Variants in DPP6 observed in about 807,000 individuals in gnomAD.
The protein encoded by DPP6 is dipeptidyl peptidase like 6.
DPP6 carries 69 observed loss-of-function variants against 122.6 expected under a neutral mutation model. The ratio of observed to expected loss-of-function variants is 0.56; its 90% CI spans 0.46 to 0.69. The LOEUF (loss-of-function observed/expected upper bound fraction) is 0.69, where lower values mean the gene tolerates loss of function less well. Among genes scored for constraint, DPP6 ranks in the 30% least tolerant of loss-of-function variants. DPP6 has a pLI of 0.00. For synonymous variants in DPP6, 418 were observed against 433.1 expected, an observed-to-expected ratio of 0.97 and a Z score of 0.43; for missense variants, 928 against 1,116.9, an observed-to-expected ratio of 0.83 and a Z score of 2.41.
At chr7:154,853,639 T>C in intron 16 of DPP6, 141 bp from the exon 17 acceptor site, 1 of 1,205,828 alleles carries the variant, frequency 8.3e-7, no homozygotes, top group Non-Finnish European at 1.1e-6. Flanking sequence ...CATCCCATCA[T>C]TGATTACTCT....
At position 154,198,320 on chromosome 7, in the gene DPP6, T is replaced by TTATTA. The variant is rs200562691; in HGVS notation, c.243+145258_243+145259insATTAT. On this transcript the variant is annotated intron_variant, in intron 1 of 25. Transcript: ENST00000377770. ...TTTCACTTCACATATTTTATTATTA[T>TTATTA]TTTTTTTTTGAGATAGGGTCTCACT... Among the ~76,000 whole-genome samples, 110 of 128,702 alleles carry TTATTA rather than the reference T, an allele frequency of 8.5e-4. 1 individual carries two copies. Among genetic ancestry groups the TTATTA allele is most frequent in the African/African-American group, 2.8e-3 (101 of 35,714 alleles). 84.4% of individuals were successfully genotyped at this position (128,702 alleles called of 152,430 possible). A position where few individuals can be genotyped will look rare whatever the true frequency, so the allele number is the denominator to read the frequency against.
chr7:154,259,779 A>G (rs1454351325), intron 1 of DPP6, among the ~76,000 whole-genome samples: 1 of 152,188 alleles, frequency 6.6e-6, no homozygotes, highest in Non-Finnish European at 1.5e-5. Flanking sequence ...TCATTCAATA[A>G]TATTTATTGA....
rs900372944 is a variant in DPP6, at chr7:154,892,601, A to T, written c.*121A>T. ...GGGGCGGGGCCGGGTGTTCCATAGC[A>T]TGTGTGTCTCGGATGCGGAAGGCAG... On this transcript the variant is annotated 3_prime_UTR_variant, in exon 26 of 26. Coordinates refer to ENST00000377770, the MANE Select transcript of DPP6 (RefSeq NM_130797.4). 3 of 1,540,626 alleles carry T rather than the reference A, an allele frequency of 1.9e-6. No homozygotes were observed. The highest frequency in any genetic ancestry group is 1.2e-5 in the South Asian group (1 of 80,876).
intron 1 of DPP6, among the ~76,000 whole-genome samples, chr7:153,983,496 G>T (rs774557771): frequency 9.9e-5 from 15 of 152,222 alleles, no homozygotes; most frequent in Non-Finnish European, 2.2e-4. Context: ...ATGGAGATGG[G>T]CTCCGCTGAG....
At chr7:153,885,284 T>A (rs1020346652), upstream of DPP6, among the ~76,000 whole-genome samples, 1 of 152,066 alleles carries the variant, frequency 6.6e-6, no homozygotes, top group Admixed American at 6.5e-5. Flanking sequence ...GTACTCTAAG[T>A]GTTCCCTTCT....
At chr7:154,125,267 A>C (rs1235424378) in intron 1 of DPP6, among the ~76,000 whole-genome samples, 2 of 152,234 alleles carry the variant, frequency 1.3e-5, no homozygotes, top group Admixed American at 1.3e-4. Flanking sequence ...GCAGGATGCA[A>C]ACTAAGACGT....
chr7:154,642,521 C>T (rs777364290), intron 6 of DPP6, among the ~76,000 whole-genome samples: 4 of 152,002 alleles, frequency 2.6e-5, no homozygotes, highest in African/African-American at 4.8e-5. Context: ...ACCCAAGAGG[C>T]GGAGGTTGCA....
chr7:154,355,664 C>T (rs749787253), intron 1 of DPP6, among the ~76,000 whole-genome samples: 4 of 152,188 alleles, frequency 2.6e-5, no homozygotes, highest in Non-Finnish European at 5.9e-5. Context: ...TGTGAGAAAT[C>T]AGGTGACAGG....
chr7:154,316,448 G>A (rs906383829), intron 1 of DPP6, among the ~76,000 whole-genome samples: 1 of 152,132 alleles, frequency 6.6e-6, no homozygotes, highest in Non-Finnish European at 1.5e-5. Flanking sequence ...CTTTTTTGTT[G>A]TTGAAACAGA....
intron 1 of DPP6, among the ~76,000 whole-genome samples, chr7:154,252,144 G>A (rs538918006): frequency 1.3e-5 from 2 of 152,282 alleles, no homozygotes; most frequent in East Asian, 1.9e-4. Context: ...CCTATTGGTT[G>A]TATTCTATAA....
At chr7:154,461,243 A>G (rs2151317517) in intron 2 of DPP6, among the ~76,000 whole-genome samples, 1 of 152,288 alleles carries the variant, frequency 6.6e-6, no homozygotes, top group Non-Finnish European at 1.5e-5. Flanking sequence ...TATACGTACC[A>G]TATTTTCTTT....
chr7:154,859,088 C>G (rs557031414), intron 17 of DPP6, among the ~76,000 whole-genome samples: 4 of 152,368 alleles, frequency 2.6e-5, no homozygotes, highest in African/African-American at 9.6e-5. Context: ...CCAGGATCTC[C>G]TGGCCTTCAC....
At chr7:153,993,121 C>T (rs2533594) in intron 1 of DPP6, among the ~76,000 whole-genome samples, 10 of 151,908 alleles carry the variant, frequency 6.6e-5, no homozygotes, top group Non-Finnish European at 1.3e-4. Context: ...GCAGCAGTCT[C>T]CTACATAACC....
intron 17 of DPP6, among the ~76,000 whole-genome samples, chr7:154,866,529 ACTTGGACTTCC>A (rs1803890945): frequency 6.6e-6 from 1 of 152,144 alleles, no homozygotes; most frequent in Admixed American, 6.5e-5. Context: ...GGTCAAGTCT[ACTTGGACTTCC>A]CTTGGACTTC....
chr7:154,062,825 C>A (rs1240345245), intron 1 of DPP6, among the ~76,000 whole-genome samples: 1 of 129,078 alleles, frequency 7.7e-6, no homozygotes, highest in Non-Finnish European at 1.7e-5. Context: ...GGAGGCACCC[C>A]CCGCGAGGCG....
At chr7:154,325,847 A>G (rs1486420805) in intron 1 of DPP6, among the ~76,000 whole-genome samples, 2 of 152,234 alleles carry the variant, frequency 1.3e-5, no homozygotes, top group Non-Finnish European at 2.9e-5. Flanking sequence ...TTCAAATAGC[A>G]AATATAAATT....
the DPP6 span, among the ~76,000 whole-genome samples, chr7:153,822,227 TCC>T: frequency 7.6e-6 from 1 of 132,154 alleles, no homozygotes; most frequent in Non-Finnish European, 1.6e-5. Context: ...TCTCGCACTG[TCC>T]CCCAGGCTGG....
chr7:154,560,154 G>T (rs978914676), intron 4 of DPP6, among the ~76,000 whole-genome samples: 1 of 151,986 alleles, frequency 6.6e-6, no homozygotes, highest in African/African-American at 2.4e-5. Context: ...AATGATAAAT[G>T]TTGTCAACAT....
intron 3 of DPP6, among the ~76,000 whole-genome samples, chr7:154,536,867 A>G (rs373022389): frequency 2.0e-5 from 3 of 152,202 alleles, no homozygotes; most frequent in East Asian, 3.8e-4. Flanking sequence ...ACTGCAACAA[A>G]TAGTTGCAGA....
Sources: allele counts gnomAD v4.1 joint callset (sites outside exome capture counted in the v4.1 genomes callset), GRCh38; gene constraint gnomAD v4.1.1; transcripts MANE v1.5; gene names NCBI Gene and HGNC (gene_info 2026-07-23, HGNC 2026-07-21).